PCYT1B: variants seen among roughly 807,000 people sequenced by gnomAD.
PCYT1B encodes the protein choline-phosphate cytidylyltransferase B.
PCYT1B carries 10 observed loss-of-function variants against 26.4 expected under a neutral mutation model. The ratio of observed to expected loss-of-function variants is 0.38; its 90% confidence interval spans 0.23 to 0.64. PCYT1B has a LOEUF of 0.64. Among genes scored for constraint, PCYT1B ranks in the 30% least tolerant of loss-of-function variants. The probability of loss-of-function intolerance (pLI) is 0.56; values close to 1 mark genes in which losing one functional copy is unlikely to be tolerated. For synonymous variants in PCYT1B, 131 were observed against 108.4 expected (o/e 1.21, Z -1.29); for missense variants, 161 against 292.7 (o/e 0.55, Z 3.28).
At chrX:24,615,458 T>C (rs1925455890) in intron 2 of PCYT1B, among the ~76,000 whole-genome samples, 1 of 110,876 alleles carries the variant, frequency 9.0e-6, no homozygotes, top group Non-Finnish European at 1.9e-5. Flanking sequence ...ACTACTTCTC[T>C]TGTCCCACAC....
At chrX:24,615,189 G>A (rs908803538) in intron 2 of PCYT1B, among the ~76,000 whole-genome samples, 2 of 111,600 alleles carry the variant, frequency 1.8e-5, no homozygotes, top group Admixed American at 9.5e-5. Context: ...TCAACATCAC[G>A]GATTTTCTTA....
upstream of PCYT1B, chrX:24,647,377 A>C: frequency 5.6e-5 from 39 of 691,883 alleles, no homozygotes; most frequent in Non-Finnish European, 6.9e-5. Context: ...ACAGTATCTC[A>C]TTTGCATAGA....
In PCYT1B at chrX:24,562,083, A is replaced by G. The variant is rs1377991169; in HGVS notation, c.*210T>C. 1 of 1,209,757 alleles carries G rather than the reference A, an allele frequency of 8.3e-7. No individual in the cohort carries two copies. On this transcript the variant is annotated 3_prime_UTR_variant, in exon 8 of 8. Coordinates refer to ENST00000379144, the MANE Select transcript of PCYT1B (RefSeq NM_004845.5). ...ACGCTAAGGTTTGTGTAGGTTGTCC[A>G]GCTAGAAGTCTCTGCACCTCGCCCA...
intron 1 of PCYT1B, among the ~76,000 whole-genome samples, chrX:24,633,547 G>T (rs1435863489): frequency 9.1e-6 from 1 of 110,496 alleles, no homozygotes; most frequent in Non-Finnish European, 1.9e-5. Context: ...CGTTACATGC[G>T]CCTGTAATCC....
intron 1 of PCYT1B, among the ~76,000 whole-genome samples, chrX:24,639,751 G>A (rs1171444127): frequency 1.8e-5 from 2 of 111,458 alleles, no homozygotes; most frequent in Non-Finnish European, 3.8e-5. Context: ...ACTTGTTCTT[G>A]CCCAAACCAT....
chrX:24,641,549 A>T lies in PCYT1B; in HGVS notation c.117+5440T>A, dbSNP rs61760932. Among the ~76,000 whole-genome samples, 259 of 112,083 alleles carry T rather than the reference A, an allele frequency of 2.3e-3. 2 individuals carry two copies. Among genetic ancestry groups the T allele is most frequent in the African/African-American group, 8.0e-3 (248 of 30,871 alleles). On this transcript the variant is annotated intron_variant, in intron 1 of 7. Coordinates refer to ENST00000379144, the MANE Select transcript of PCYT1B (RefSeq NM_004845.5). ...GTATTTATCATTGTAGGTCCTCAGAACTGATCCTAACAGGGCTGGACAAGT... is the reference window on the plus strand; with the variant it reads ...GTATTTATCATTGTAGGTCCTCAGATCTGATCCTAACAGGGCTGGACAAGT...
At chrX:24,666,757 G>GGCATAAAAT (rs1927136963) in intron 1 of PCYT1B, among the ~76,000 whole-genome samples, 1 of 111,264 alleles carries the variant, frequency 9.0e-6, no homozygotes, top group African/African-American at 3.3e-5. Flanking sequence ...AGGCCTCATT[G>GGCATAAAAT]TGAGAATGGG....
chrX:24,651,471 AAATATATATATATATATAT>A (rs1439034478), upstream of PCYT1B, among the ~76,000 whole-genome samples: 65 of 37,533 alleles, frequency 1.7e-3, 3 homozygotes, highest in African/African-American at 9.8e-3. Flanking sequence ...AAAAAAAAAA[AAATATATATATATATATAT>A]ATATATATAT....
intron 1 of PCYT1B, among the ~76,000 whole-genome samples, chrX:24,662,388 C>T (rs1927046431): frequency 9.0e-6 from 1 of 111,257 alleles, no homozygotes; most frequent in Admixed American, 9.6e-5. Flanking sequence ...GTGCTGTAGA[C>T]ATCTAGTGGG....
chrX:24,594,672 T>C (rs944339867), intron 3 of PCYT1B, among the ~76,000 whole-genome samples: 2 of 112,269 alleles, frequency 1.8e-5, no homozygotes, highest in African/African-American at 6.5e-5. Context: ...TGACCAGTTA[T>C]TGTCTAAACA....
At chrX:24,625,971 G>A (rs956274100) in intron 1 of PCYT1B, among the ~76,000 whole-genome samples, 22 of 107,808 alleles carry the variant, frequency 2.0e-4, no homozygotes, top group African/African-American at 6.4e-4. Context: ...AAAATTAGCC[G>A]GGTCTGATGG....
Position 24,631,827 on chromosome X carries a change from C to T in PCYT1B, c.118-12743G>A, listed in dbSNP as rs766618728. On this transcript the variant is annotated intron_variant, in intron 1 of 7. Transcript: ENST00000379144. ...CTAAAATACAAAAATTAGCTGGGCA[C>T]GGTGGCGCATGCCTGTAATCCCAGC... Among the ~76,000 whole-genome samples, 13 of 111,024 alleles carry T rather than the reference C, an allele frequency of 1.2e-4. No individual in the cohort carries two copies. In the South Asian group the frequency reaches 3.5e-3, roughly 30 times the overall value.
intron 2 of PCYT1B, among the ~76,000 whole-genome samples, chrX:24,614,031 A>G (rs765222406): frequency 9.0e-6 from 1 of 110,930 alleles, no homozygotes; most frequent in South Asian, 3.8e-4. Context: ...TTTTAATGAA[A>G]AGGAACCTAT....
chrX:24,618,440 G>C (rs1034041988), intron 2 of PCYT1B, among the ~76,000 whole-genome samples: 1 of 111,346 alleles, frequency 9.0e-6, no homozygotes, highest in Non-Finnish European at 1.9e-5. Flanking sequence ...GAACTAACAA[G>C]TGACAAAGCT....
chrX:24,587,686 T>C (rs1408330278), intron 4 of PCYT1B, among the ~76,000 whole-genome samples: 1 of 111,867 alleles, frequency 8.9e-6, no homozygotes, highest in Non-Finnish European at 1.9e-5. Flanking sequence ...CAAATCTTCA[T>C]TTCCTGTCCC....
intron 1 of PCYT1B, among the ~76,000 whole-genome samples, chrX:24,656,229 C>CG (rs34445837): frequency 0.37 from 16,364 of 43,819 alleles, 3,045 homozygotes; most frequent in East Asian, 0.67. Flanking sequence ...CAGGGGGTCG[C>CG]GGGGGGGGGT....
At chrX:24,662,233 A>G (rs745989948) in intron 1 of PCYT1B, among the ~76,000 whole-genome samples, 1 of 112,732 alleles carries the variant, frequency 8.9e-6, no homozygotes, top group African/African-American at 3.2e-5. Context: ...TTAGAAATAT[A>G]TACTGAAATA....
intron 5 of PCYT1B, among the ~76,000 whole-genome samples, chrX:24,581,500 T>G (rs191080381): frequency 3.3e-4 from 37 of 112,329 alleles, no homozygotes; most frequent in Admixed American, 7.5e-4. Context: ...GGGCATCCAC[T>G]GGGCTTCAGC....
intron 1 of PCYT1B, among the ~76,000 whole-genome samples, chrX:24,661,440 C>T (rs1927027648): frequency 8.9e-6 from 1 of 112,017 alleles, no homozygotes; most frequent in South Asian, 3.7e-4. Context: ...GCATCAACTA[C>T]TGCTAACATG....
Sources: allele counts gnomAD v4.1 joint callset (sites outside exome capture counted in the v4.1 genomes callset), GRCh38; gene constraint gnomAD v4.1.1; transcripts MANE v1.5; gene names NCBI Gene and HGNC (gene_info 2026-07-23, HGNC 2026-07-21).